CACNG5: variants seen among roughly 807,000 people sequenced by gnomAD.
CACNG5 encodes the protein calcium voltage-gated channel auxiliary subunit gamma 5.
In CACNG5, 18 loss-of-function variants were observed where a neutral mutation model predicts 24.8. The observed-to-expected ratio is 0.73, with a 90% CI of 0.50 to 1.08. The LOEUF (loss-of-function observed/expected upper bound fraction) is 1.08. Ranked by LOEUF, CACNG5 falls within the 50% of genes least tolerant of loss-of-function variation. The pLI, the probability that CACNG5 is intolerant of heterozygous loss-of-function variation, is 0.00. For synonymous variants in CACNG5, 157 were observed against 149.1 expected, an observed-to-expected ratio of 1.05 and a Z score of -0.39; for missense variants, 349 against 367.9, an observed-to-expected ratio of 0.95 and a Z score of 0.42.
At chr17:66,843,022 C>T (rs979617270) in intron 1 of CACNG5, among the ~76,000 whole-genome samples, 2 of 152,188 alleles carry the variant, frequency 1.3e-5, no homozygotes, top group South Asian at 2.1e-4. Context: ...AGGACATTTC[C>T]GAAAGATGGT....
chr17:66,849,428 C>T (rs78838298), intron 1 of CACNG5, among the ~76,000 whole-genome samples: 8,023 of 152,218 alleles, frequency 0.053, 284 homozygotes, highest in East Asian at 0.08. Context: ...GTTCCCACCC[C>T]GGGAGGGCAG....
intron 1 of CACNG5, among the ~76,000 whole-genome samples, chr17:66,861,106 G>A (rs1028568622): frequency 3.3e-5 from 5 of 152,052 alleles, no homozygotes; most frequent in African/African-American, 1.2e-4. Flanking sequence ...ATAAAAATAT[G>A]TATACAATTG....
chr17:66,889,519 C>A lies in CACNG5; in HGVS notation c.*4279C>A, dbSNP rs1223478989. On this transcript the variant is annotated 3_prime_UTR_variant, in exon 6 of 6. Transcript: ENST00000533854. ...TCAGGGTTCTCCAGAAAAACAGAAT[C>A]AACAGGATGAATATATAGAGAGAGA... Among the ~76,000 whole-genome samples the A allele has an allele frequency of 6.6e-6, 1 of 152,168 alleles. No homozygotes were observed. Among genetic ancestry groups the A allele is most frequent in the African/African-American group, 2.4e-5 (1 of 41,434 alleles).
rs1263240819 is a variant in CACNG5 at position 66,892,036 on chromosome 17, G to A, written c.*6796G>A. Among the ~76,000 whole-genome samples the A allele has an allele frequency of 6.6e-6, 1 of 152,228 alleles. No homozygotes were observed. Among genetic ancestry groups the A allele is most frequent in the African/African-American group, 2.4e-5 (1 of 41,472 alleles). On this transcript the variant is annotated 3_prime_UTR_variant, in exon 6 of 6. Transcript: ENST00000533854. ...TGAGAACCACTGGCTTAGACCTACT[G>A]GGATTTATCACTGTAGCTGGGGATA...
rs1474213402 is a variant in CACNG5 at position 66,889,113 on chromosome 17, A to G, written c.*3873A>G. Among the ~76,000 whole-genome samples the G allele has an allele frequency of 6.6e-6, 1 of 152,184 alleles. No individual in the cohort carries two copies. The highest frequency in any genetic ancestry group is 2.4e-5 in the African/African-American group (1 of 41,446). On this transcript the variant is annotated 3_prime_UTR_variant, in exon 6 of 6. Coordinates refer to ENST00000533854, the MANE Select transcript of CACNG5 (RefSeq NM_145811.3). ...GTAGCTGGGATCACAGGCATGCACC[A>G]TCATGCCCAGCTAATTTTTTAATTT...
chr17:66,849,149 A>G (rs982115936), intron 1 of CACNG5, among the ~76,000 whole-genome samples: 1 of 152,224 alleles, frequency 6.6e-6, no homozygotes, highest in South Asian at 2.1e-4. Context: ...GCGGAGGGAA[A>G]TAAACCAGGG....
chr17:66,875,460 C>T (rs1977062580), intron 1 of CACNG5, among the ~76,000 whole-genome samples: 1 of 152,176 alleles, frequency 6.6e-6, no homozygotes, highest in Non-Finnish European at 1.5e-5. Flanking sequence ...TCAACTTTCC[C>T]ATGATCAACT....
At chr17:66,845,896 G>A (rs1976633660) in intron 1 of CACNG5, among the ~76,000 whole-genome samples, 1 of 152,158 alleles carries the variant, frequency 6.6e-6, no homozygotes, top group Non-Finnish European at 1.5e-5. Flanking sequence ...TGGGAGGCAG[G>A]GAGCCACCTG....
chr17:66,841,395 A>G (rs950608782), intron 1 of CACNG5, among the ~76,000 whole-genome samples: 2 of 152,224 alleles, frequency 1.3e-5, no homozygotes, highest in Non-Finnish European at 2.9e-5. Flanking sequence ...CCTTTAGCTT[A>G]GTGATTTGGG....
intron 1 of CACNG5, among the ~76,000 whole-genome samples, chr17:66,857,935 A>G (rs1976803908): frequency 6.6e-6 from 1 of 152,180 alleles, no homozygotes; most frequent in African/African-American, 2.4e-5. Flanking sequence ...CCCCCAGATG[A>G]CACTCATGGG....
At chr17:66,850,264 T>A (rs1417396914) in intron 1 of CACNG5, among the ~76,000 whole-genome samples, 3 of 152,220 alleles carry the variant, frequency 2.0e-5, no homozygotes, top group African/African-American at 7.2e-5. Context: ...GAGACCCCAT[T>A]AATGGCCTGT....
intron 1 of CACNG5, among the ~76,000 whole-genome samples, chr17:66,865,388 G>C (rs1384267627): frequency 6.6e-6 from 1 of 151,818 alleles, no homozygotes; most frequent in African/African-American, 2.4e-5. Context: ...GCTTTACATA[G>C]GAGGTCTTGG....
At chr17:66,866,530 G>A (rs1405682889) in intron 1 of CACNG5, among the ~76,000 whole-genome samples, 1 of 152,062 alleles carries the variant, frequency 6.6e-6, no homozygotes, top group Non-Finnish European at 1.5e-5. Flanking sequence ...GTGTGTCATG[G>A]TGGTTTGCCA....
chr17:66,877,968 A>G (rs1288568773), intron 2 of CACNG5, among the ~76,000 whole-genome samples: 1 of 152,248 alleles, frequency 6.6e-6, no homozygotes, highest in Admixed American at 6.5e-5. Flanking sequence ...AAGTCTCCTT[A>G]ACTCAGCTTC....
rs1018507523 is a variant in CACNG5 at position 66,891,004 on chromosome 17, T to A, written c.*5764T>A. ...ATAATGGAGTGCACATGGCTGGCAG[T>A]AGCAGTGGGGAGACAGTTGGAGGAA... is the stretch of plus-strand genomic sequence containing the variant. On this transcript the variant is annotated 3_prime_UTR_variant, in exon 6 of 6. Coordinates refer to ENST00000533854, the MANE Select transcript of CACNG5 (RefSeq NM_145811.3). 2.6e-5 allele frequency among the ~76,000 whole-genome samples: 4 copies of A among 152,198 alleles called. No individual in the cohort carries two copies. The highest frequency in any genetic ancestry group is 5.9e-5 in the Non-Finnish European group (4 of 68,036).
intron 1 of CACNG5, among the ~76,000 whole-genome samples, chr17:66,875,860 T>G (rs1227586694): frequency 6.6e-6 from 1 of 152,222 alleles, no homozygotes; most frequent in Non-Finnish European, 1.5e-5. Context: ...GACACAACCT[T>G]TCTGAGTTGC....
rs1297783057 is a variant in CACNG5 at position 66,893,129 on chromosome 17, G to A, written c.*7889G>A. Among the ~76,000 whole-genome samples, 1 of 152,094 alleles carries A rather than the reference G, an allele frequency of 6.6e-6. No homozygotes were observed. The highest frequency in any genetic ancestry group is 1.5e-5 in the Non-Finnish European group (1 of 68,028). On this transcript the variant is annotated 3_prime_UTR_variant, in exon 6 of 6. Transcript: ENST00000533854. ...GAAGTTTAGGGACTTGCTCATGACC[G>A]CACAGCTGGTAATATTTGCACTGCT...
Position 66,884,518 on chromosome 17 carries a change from C to T in CACNG5, c.427C>T (p.Leu143Phe). ...VSGIFFILSG[L>F]SLVVGLVLYI... ...CCTCTCCCCTGCTGCCCAACCAGGC[C>T]TCTCTCTCGTGGTGGGCCTGGTGCT... Residue 143 changes from leucine (L) to phenylalanine (F), a missense_variant and splice_region_variant, in exon 5 of 6, where the codon CTC becomes TTC. Coordinates refer to ENST00000533854, the MANE Select transcript of CACNG5 (RefSeq NM_145811.3). 1.9e-6 allele frequency: 3 copies of T among 1,606,844 alleles called. No homozygotes were observed. Among genetic ancestry groups the T allele is most frequent in the Middle Eastern group, 1.7e-4 (1 of 6,022 alleles).
intron 1 of CACNG5, among the ~76,000 whole-genome samples, chr17:66,863,698 T>A (rs1976894319): frequency 6.6e-6 from 1 of 152,204 alleles, no homozygotes; most frequent in African/African-American, 2.4e-5. Flanking sequence ...TTTATACACA[T>A]AATCCTCTTT....
Sources: gnomAD v4.1 joint callset for allele counts (sites outside exome capture counted in the v4.1 genomes callset) on GRCh38, gnomAD v4.1.1 for gene constraint, MANE v1.5 for transcripts, NCBI Gene and HGNC (gene_info 2026-07-23, HGNC 2026-07-21) for gene names.